The following SDK1 variants were observed in gnomAD, a reference collection of about 807,000 sequenced individuals.
The protein encoded by SDK1 is protein sidekick-1.
In SDK1, 157 loss-of-function variants were observed where a neutral mutation model predicts 245.5. The ratio of observed to expected loss-of-function variants is 0.64; its 90% CI spans 0.56 to 0.73. The LOEUF (loss-of-function observed/expected upper bound fraction) is 0.73. Among genes scored for constraint, SDK1 ranks in the 30% least tolerant of loss-of-function variants. SDK1 has a pLI of 0.00. For synonymous variants in SDK1, 1,647 were observed against 1,278.5 expected (o/e 1.29, Z -6.15); for missense variants, 3,583 against 3,002.3 (o/e 1.19, Z -4.52).
intron 4 of SDK1, among the ~76,000 whole-genome samples, chr7:3,747,993 A>G (rs1779673229): frequency 6.6e-6 from 1 of 152,214 alleles, no homozygotes; most frequent in Admixed American, 6.5e-5. Flanking sequence ...TAGTAATACA[A>G]TTATAATGAT....
Position 4,265,390 on chromosome 7 carries a change from G to A in SDK1, c.*6G>A. On this transcript the variant is annotated 3_prime_UTR_variant, in exon 45 of 45. Transcript: ENST00000404826. ...GCTTCTCCTCCTTCGTGTGAGCAAA[G>A]CGCCGCGCCTCCCTCAGGGCGGAAC... 1 of 1,426,420 alleles carries A rather than the reference G, an allele frequency of 7.0e-7. No homozygotes were observed. The highest frequency in any genetic ancestry group is 1.5e-5 in the South Asian group (1 of 66,268). The allele number at this position is 1,426,420 out of a possible 1,614,324, so 88.4% of individuals were successfully genotyped here.
intron 28 of SDK1, among the ~76,000 whole-genome samples, chr7:4,135,859 G>T (rs1779049545): frequency 6.6e-6 from 1 of 152,196 alleles, no homozygotes; most frequent in East Asian, 1.9e-4. Context: ...GCTCCTCCTA[G>T]ACCATTGGGG....
chr7:3,733,846 C>G (rs1411251845), intron 4 of SDK1, among the ~76,000 whole-genome samples: 1 of 152,196 alleles, frequency 6.6e-6, no homozygotes, highest in East Asian at 1.9e-4. Context: ...AACAAATTGG[C>G]TTCCAGATCT....
intron 22 of SDK1, among the ~76,000 whole-genome samples, chr7:4,104,033 C>T (rs575755806): frequency 2.6e-5 from 4 of 152,344 alleles, no homozygotes; most frequent in East Asian, 3.9e-4. Flanking sequence ...GCCCCTGGGC[C>T]GGAGTTTGCT....
intron 1 of SDK1, among the ~76,000 whole-genome samples, chr7:3,468,516 C>CT (rs1781082301): frequency 6.6e-6 from 1 of 152,196 alleles, no homozygotes; most frequent in Non-Finnish European, 1.5e-5. Flanking sequence ...AAGTATTACT[C>CT]TAACTTTTCC....
chr7:3,728,491 A>C (rs952230684), intron 4 of SDK1, among the ~76,000 whole-genome samples: 3 of 152,210 alleles, frequency 2.0e-5, no homozygotes, highest in Non-Finnish European at 4.4e-5. Flanking sequence ...AGTCTTTTAC[A>C]CATGAATAAA....
At chr7:3,812,567 C>T (rs1779411321) in intron 4 of SDK1, among the ~76,000 whole-genome samples, 1 of 152,302 alleles carries the variant, frequency 6.6e-6, no homozygotes, top group East Asian at 1.9e-4. Context: ...AACAATGACT[C>T]TCCTAGAAAA....
In SDK1 at chr7:4,190,888, A is replaced by G. The variant is rs115942856; in HGVS notation, c.5098+12302A>G. Among the ~76,000 whole-genome samples the G allele has an allele frequency of 9.9e-3, 1,502 of 152,278 alleles. 25 individuals carry two copies. Among genetic ancestry groups the G allele is most frequent in the African/African-American group, 0.034 (1,417 of 41,568 alleles). On this transcript the variant is annotated intron_variant, in intron 35 of 44. Transcript: ENST00000404826. ...GATGGGCTTGACACCAGCCTCATCA[A>G]TGCTGGGCCGGAGGGTGGAGGGCGG...
At chr7:4,225,663 G>A (rs550922844) in intron 40 of SDK1, among the ~76,000 whole-genome samples, 8 of 152,310 alleles carry the variant, frequency 5.3e-5, no homozygotes, top group East Asian at 3.9e-4. Flanking sequence ...AGTAATTGGC[G>A]TGTCGGCGAG....
At chr7:4,146,140 A>T (rs1327142534) in intron 29 of SDK1, among the ~76,000 whole-genome samples, 2 of 142,774 alleles carry the variant, frequency 1.4e-5, no homozygotes, top group East Asian at 4.1e-4. Flanking sequence ...GCTCTCTCAG[A>T]CACGTGAGCA....
chr7:3,687,472 A>G (rs1380241310), intron 4 of SDK1, among the ~76,000 whole-genome samples: 1 of 152,124 alleles, frequency 6.6e-6, no homozygotes, highest in Non-Finnish European at 1.5e-5. Flanking sequence ...AAACATCCCA[A>G]ATGTCCCTCA....
intron 20 of SDK1, among the ~76,000 whole-genome samples, chr7:4,073,780 C>G (rs1370216288): frequency 1.3e-5 from 2 of 152,170 alleles, no homozygotes; most frequent in Non-Finnish European, 2.9e-5. Context: ...GAGAAACAAA[C>G]TCACCCGTCC....
chr7:4,090,362 C>T (rs1464833087), intron 22 of SDK1, among the ~76,000 whole-genome samples: 2 of 152,206 alleles, frequency 1.3e-5, no homozygotes, highest in Non-Finnish European at 2.9e-5. Context: ...AAAATTCAAT[C>T]ATTTCTTCTA....
chr7:3,920,640 G>A (rs1370494167), intron 5 of SDK1, among the ~76,000 whole-genome samples: 1 of 152,192 alleles, frequency 6.6e-6, no homozygotes, highest in African/African-American at 2.4e-5. Flanking sequence ...CGGAGGCAAG[G>A]CGGCACTTAA....
chr7:3,399,758 G>A (rs1255925563), intron 1 of SDK1, among the ~76,000 whole-genome samples: 2 of 152,106 alleles, frequency 1.3e-5, no homozygotes, highest in East Asian at 3.9e-4. Flanking sequence ...GAGGGGCTCT[G>A]TATATGTGTT....
chr7:3,551,507 G>C (rs1779409647), intron 1 of SDK1, among the ~76,000 whole-genome samples: 1 of 150,942 alleles, frequency 6.6e-6, no homozygotes, highest in Non-Finnish European at 1.5e-5. Context: ...ACATCATTTT[G>C]TTAATAAGTT....
intron 17 of SDK1, among the ~76,000 whole-genome samples, chr7:4,030,740 A>G (rs1279130473): frequency 2.0e-5 from 3 of 152,212 alleles, no homozygotes; most frequent in Non-Finnish European, 2.9e-5. Flanking sequence ...ATGCCTTGGC[A>G]TGTTCCCAGG....
intron 1 of SDK1, among the ~76,000 whole-genome samples, chr7:3,422,445 G>T (rs1260310969): frequency 1.3e-5 from 2 of 152,158 alleles, no homozygotes; most frequent in African/African-American, 4.8e-5. Context: ...TCATTGACAT[G>T]AAAAATACTA....
At chr7:4,162,652 A>T (rs1449657319) in intron 32 of SDK1, among the ~76,000 whole-genome samples, 1 of 152,010 alleles carries the variant, frequency 6.6e-6, no homozygotes, top group Non-Finnish European at 1.5e-5. Context: ...CACCCACCTC[A>T]GCCTCCCAAA....
Sources: allele counts gnomAD v4.1 joint callset (sites outside exome capture counted in the v4.1 genomes callset), GRCh38; gene constraint gnomAD v4.1.1; transcripts MANE v1.5; gene names NCBI Gene and HGNC (gene_info 2026-07-23, HGNC 2026-07-21).